The following CDH10 variants were observed in gnomAD, a reference collection of about 807,000 sequenced individuals.
The protein encoded by CDH10 is cadherin 10.
Under a neutral mutation model 73.1 loss-of-function variants are expected in CDH10, and 30 were observed. The ratio of observed to expected loss-of-function variants is 0.41; its 90% confidence interval spans 0.31 to 0.56. The LOEUF is 0.56. Among genes scored for constraint, CDH10 ranks in the 20% least tolerant of loss-of-function variants. The pLI, the probability that CDH10 is intolerant of heterozygous loss-of-function variation, is 0.27. For missense variants in CDH10, 815 were observed against 973.7 expected (o/e 0.84, Z 2.17); for synonymous variants, 345 against 348.2 (o/e 0.99, Z 0.10).
chr5:24,605,843 T>G (rs1476970686), intron 1 of CDH10, among the ~76,000 whole-genome samples: 1 of 152,158 alleles, frequency 6.6e-6, no homozygotes, highest in Non-Finnish European at 1.5e-5. Context: ...GTAAACAAAC[T>G]TTGGTGCATC....
At chr5:24,539,319 T>A (rs963271679) in intron 2 of CDH10, among the ~76,000 whole-genome samples, 5 of 152,034 alleles carry the variant, frequency 3.3e-5, no homozygotes, top group African/African-American at 7.2e-5. Context: ...AAGACTTTTG[T>A]TTATTTAATT....
chr5:24,567,886 A>AT (rs1195130135), intron 2 of CDH10, among the ~76,000 whole-genome samples: 1 of 152,062 alleles, frequency 6.6e-6, no homozygotes, highest in Non-Finnish European at 1.5e-5. Context: ...CTATGTATGC[A>AT]TTTTTTCTTT....
chr5:24,537,722 A>G (rs1744010734), intron 2 of CDH10, 48 bp from the exon 3 acceptor site: 2 of 1,222,728 alleles, frequency 1.6e-6, no homozygotes, highest in Non-Finnish European at 2.3e-6. Flanking sequence ...ATAAAGGTGC[A>G]GGATGCTGAA....
intron 1 of CDH10, among the ~76,000 whole-genome samples, chr5:24,601,824 C>T (rs934348914): frequency 2.0e-5 from 3 of 151,824 alleles, no homozygotes; most frequent in Non-Finnish European, 2.9e-5. Context: ...TTAAAAATTA[C>T]CTTTAAAAGT....
At chr5:24,615,662 T>C (rs1179774713) in intron 1 of CDH10, among the ~76,000 whole-genome samples, 2 of 152,238 alleles carry the variant, frequency 1.3e-5, no homozygotes, top group Non-Finnish European at 2.9e-5. Flanking sequence ...TGTTGGTGAA[T>C]ATAATTCCCA....
chr5:24,619,150 CAAGATGA>C (rs1747222683), intron 1 of CDH10, among the ~76,000 whole-genome samples: 1 of 152,040 alleles, frequency 6.6e-6, no homozygotes, highest in Admixed American at 6.6e-5. Context: ...CAATCTCCTT[CAAGATGA>C]ATGGTACCTC....
chr5:24,507,044 C>T (rs16893459), intron 7 of CDH10, among the ~76,000 whole-genome samples: 2,215 of 152,204 alleles, frequency 0.015, 52 homozygotes, highest in African/African-American at 0.047. Context: ...GTGTTAACTT[C>T]CATTTTCCTT....
At chr5:24,531,883 G>C (rs1743767559) in intron 5 of CDH10, among the ~76,000 whole-genome samples, 1 of 152,028 alleles carries the variant, frequency 6.6e-6, no homozygotes, top group South Asian at 2.1e-4. Context: ...TTCTCACTTA[G>C]ATGCTACTGG....
At position 24,572,352 on chromosome 5, in the gene CDH10, A is replaced by G. The variant is rs1697245120; in HGVS notation, c.231+20908T>C. 2.6e-5 allele frequency among the ~76,000 whole-genome samples: 4 copies of G among 152,122 alleles called. No individual in the cohort carries two copies. In the South Asian group the frequency reaches 8.3e-4, roughly 31 times the overall value. Reference sequence around the variant, plus strand: ...CAGACTAAAGGCATTCGGCAGATCTAGAAGGAAAAATGCCAGCACCTTCTT... The same window carrying G: ...CAGACTAAAGGCATTCGGCAGATCTGGAAGGAAAAATGCCAGCACCTTCTT... On this transcript the variant is annotated intron_variant, in intron 2 of 11. Coordinates refer to ENST00000264463, the MANE Select transcript of CDH10 (RefSeq NM_006727.5).
chr5:24,488,207 A>T (rs2111614569), intron 11 of CDH10, 54 bp from the exon 12 acceptor site: 1 of 1,397,104 alleles, frequency 7.2e-7, no homozygotes. Context: ...ACTATAAATA[A>T]CGAGTGGAAA....
At chr5:24,592,540 TAGTGTGTAAA>T (rs1746234748) in intron 2 of CDH10, among the ~76,000 whole-genome samples, 1 of 151,876 alleles carries the variant, frequency 6.6e-6, no homozygotes, top group Non-Finnish European at 1.5e-5. Context: ...GAATACAACA[TAGTGTGTAAA>T]AGCATTCATT....
intron 2 of CDH10, among the ~76,000 whole-genome samples, chr5:24,539,294 T>C (rs1233461903): frequency 6.6e-6 from 1 of 152,040 alleles, no homozygotes; most frequent in East Asian, 1.9e-4. Context: ...TTAAACTAAT[T>C]ACGTCCTATT....
At chr5:24,582,351 T>C (rs10520912) in intron 2 of CDH10, among the ~76,000 whole-genome samples, 58,490 of 152,120 alleles carry the variant, frequency 0.38, 13,675 homozygotes, top group East Asian at 0.54. Flanking sequence ...ACTATGATTA[T>C]GCTTAAATTT....
chr5:24,520,632 A>G (rs1743287124), intron 5 of CDH10, among the ~76,000 whole-genome samples: 1 of 152,158 alleles, frequency 6.6e-6, no homozygotes, highest in South Asian at 2.1e-4. Context: ...TTGTAATGTA[A>G]TTTTTCAGGT....
chr5:24,624,264 C>T (rs998720760), intron 1 of CDH10, among the ~76,000 whole-genome samples: 13 of 152,034 alleles, frequency 8.6e-5, no homozygotes, highest in Admixed American at 2.0e-4. Flanking sequence ...TTGTCTGATG[C>T]CACCCTTGAA....
At chr5:24,516,418 T>C (rs1743109881) in intron 5 of CDH10, among the ~76,000 whole-genome samples, 1 of 152,114 alleles carries the variant, frequency 6.6e-6, no homozygotes, top group Non-Finnish European at 1.5e-5. Flanking sequence ...AATTTTAGCA[T>C]CAATCAGTGA....
At chr5:24,643,857 T>C (rs1179953622) in intron 1 of CDH10, among the ~76,000 whole-genome samples, 2 of 152,186 alleles carry the variant, frequency 1.3e-5, no homozygotes, top group Non-Finnish European at 2.9e-5. Flanking sequence ...ATACTTGCAA[T>C]ATGCTGCATT....
intron 2 of CDH10, among the ~76,000 whole-genome samples, chr5:24,591,378 A>G (rs1746195389): frequency 6.6e-6 from 1 of 151,986 alleles, no homozygotes; most frequent in Non-Finnish European, 1.5e-5. Context: ...TACAACACCT[A>G]AATCATTTCT....
intron 1 of CDH10, among the ~76,000 whole-genome samples, chr5:24,611,524 A>G (rs1746950717): frequency 6.6e-6 from 1 of 152,182 alleles, no homozygotes; most frequent in African/African-American, 2.4e-5. Flanking sequence ...ATCGAAAAAT[A>G]TAGTTATAGT....
Sources: gnomAD v4.1 joint callset for allele counts (sites outside exome capture counted in the v4.1 genomes callset) on GRCh38, gnomAD v4.1.1 for gene constraint, MANE v1.5 for transcripts, NCBI Gene and HGNC (gene_info 2026-07-23, HGNC 2026-07-21) for gene names.